Variants in UNC119B observed in about 807,000 individuals in gnomAD.
UNC119B encodes protein unc-119 homolog B.
A neutral mutation model predicts 23.4 loss-of-function variants in UNC119B; 16 were observed. The observed-to-expected ratio is 0.68, with a 90% CI of 0.46 to 1.04. UNC119B has a LOEUF of 1.04. UNC119B is among the 50% of genes least tolerant of loss of function. UNC119B has a pLI of 0.00. For missense variants in UNC119B, 350 were observed against 361.3 expected (o/e 0.97, Z 0.25); for synonymous variants, 144 against 145.4 (o/e 0.99, Z 0.07).
intron 4 of UNC119B, among the ~76,000 whole-genome samples, chr12:120,717,775 G>A (rs1433758633): frequency 6.6e-6 from 1 of 151,544 alleles, no homozygotes; most frequent in Non-Finnish European, 1.5e-5. Flanking sequence ...TGTTGGTCAG[G>A]CTGGTCTCGA....
rs1229693745 is a variant in UNC119B at position 120,710,534 on chromosome 12, G to A, written c.60G>A (p.Leu20=). 2.2e-6 allele frequency: 3 copies of A among 1,379,556 alleles called. No homozygotes were observed. The highest frequency in any genetic ancestry group is 3.0e-5 in the African/African-American group (2 of 65,906). 85.5% of individuals were successfully genotyped at this position (1,379,556 alleles called of 1,614,324 possible). A position where few individuals can be genotyped will look rare whatever the true frequency, so the allele number is the denominator to read the frequency against. The change falls in exon 1 of 5, where the codon CTG becomes CTA. Residue 20 remains leucine, a synonymous_variant. Transcript: ENST00000344651. ...AAASAAGPGG[L]VAGKEEKKKA... The stretch of plus-strand genomic sequence containing the variant: ...CGTCGGCGGCTGGGCCCGGGGGGCT[G>A]GTGGCTGGCAAGGAGGAGAAGAAGA...
intron 2 of UNC119B, among the ~76,000 whole-genome samples, chr12:120,714,262 A>T (rs1326869540): frequency 6.6e-6 from 1 of 152,058 alleles, no homozygotes; most frequent in African/African-American, 2.4e-5. Flanking sequence ...ATACTGACCA[A>T]GGCACCTAAA....
Position 120,723,096 on chromosome 12 carries a change from C to T in UNC119B, c.*3064C>T, listed in dbSNP as rs79516342. 3.7e-3 allele frequency: 562 copies of T among 153,546 alleles called. 5 individuals carry two copies. Among genetic ancestry groups the T allele is most frequent in the Middle Eastern group, 0.024 (28 of 1,154 alleles). 9.5% of individuals were successfully genotyped at this position (153,546 alleles called of 1,614,324 possible). A position where few individuals can be genotyped will look rare whatever the true frequency, so the allele number is the denominator to read the frequency against. ...TGTCTAATGTACAAACTGGGTGAGTCCTGCCTTAGTGTGTCCTGCCCCACC... is the reference window on the plus strand; with the variant it reads ...TGTCTAATGTACAAACTGGGTGAGTTCTGCCTTAGTGTGTCCTGCCCCACC... On this transcript the variant is annotated 3_prime_UTR_variant, in exon 5 of 5. Transcript: ENST00000344651.
Position 120,713,395 on chromosome 12 carries a change from T to C in UNC119B, c.358+8T>C. 6.2e-7 allele frequency: 1 copy of C among 1,604,564 alleles called. No homozygotes were observed. The highest frequency in any genetic ancestry group is 8.5e-7 in the Non-Finnish European group (1 of 1,171,884). Reference sequence around the variant, plus strand: ...CCAAACCTTGCGTTTCAGGTAGGCCTCTACGTTGTGGTGACCACTAGACAG... The same window carrying C: ...CCAAACCTTGCGTTTCAGGTAGGCCCCTACGTTGTGGTGACCACTAGACAG... On this transcript the variant is annotated splice_region_variant and intron_variant, in intron 2 of 4. Transcript: ENST00000344651.
intron 2 of UNC119B, among the ~76,000 whole-genome samples, chr12:120,714,362 C>A (rs1006421554): frequency 3.3e-5 from 5 of 151,966 alleles, no homozygotes; most frequent in Admixed American, 2.0e-4. Flanking sequence ...GGTCTGTCAC[C>A]CAGGCTGGCG....
chr12:120,710,806 G>T lies in UNC119B; in HGVS notation c.244+88G>T. ...GGACCCGGCCACTTGACCAGCGCGG[G>T]GGTCCCCGCCAGACCCCCTCGGCCG... On this transcript the variant is annotated intron_variant, in intron 1 of 4. Coordinates refer to ENST00000344651, the MANE Select transcript of UNC119B (RefSeq NM_001080533.3). 2.4e-6 allele frequency: 3 copies of T among 1,227,014 alleles called. No individual in the cohort carries two copies. The South Asian group carries it at 9.2e-5, about 38-fold the overall frequency. The allele number at this position is 1,227,014 out of a possible 1,614,324, so 76.0% of individuals were successfully genotyped here. A position where few individuals can be genotyped will look rare whatever the true frequency, so the allele number is the denominator to read the frequency against.
intron 2 of UNC119B, among the ~76,000 whole-genome samples, chr12:120,714,021 A>G (rs1283389585): frequency 7.9e-5 from 12 of 152,160 alleles, no homozygotes; most frequent in Non-Finnish European, 4.4e-5. Context: ...TGCTTGTGAT[A>G]AAGTGCCAGG....
At position 120,710,685 on chromosome 12, in the gene UNC119B, G is replaced by C. The variant is rs1169546494; in HGVS notation, c.211G>C (p.Glu71Gln). The C allele has an allele frequency of 1.4e-6, 2 of 1,444,852 alleles. No homozygotes were observed. Among genetic ancestry groups the C allele is most frequent in the Non-Finnish European group, 1.8e-6 (2 of 1,103,224 alleles). The allele number at this position is 1,444,852 out of a possible 1,614,324, so 89.5% of individuals were successfully genotyped here. ...GCTGGCGCTGGACACCATCCGGCCC[G>C]AGCACGTCCTGCGCCTCAGCCGGGT... is the stretch of plus-strand genomic sequence containing the variant. ...ELLALDTIRPEHVLRLSRVTE... is the reference protein window; with the variant it reads ...ELLALDTIRPQHVLRLSRVTE... Residue 71 changes from glutamate to glutamine, a missense_variant, in exon 1 of 5, where the codon GAG (glutamate) becomes CAG (glutamine). Glu to Gln is a conservative substitution (Grantham distance 29, BLOSUM62 2). Transcript: ENST00000344651.
intron 2 of UNC119B, 62 bp downstream of exon 2, chr12:120,713,449 AT>A: frequency 1.6e-6 from 2 of 1,258,976 alleles, no homozygotes; most frequent in Non-Finnish European, 2.3e-6. Context: ...TGAAACTCAA[AT>A]CTTTGTGTGC....
At chr12:120,710,976 C>G (rs1882652876) in intron 1 of UNC119B, 4 of 308,368 alleles carry the variant, frequency 1.3e-5, no homozygotes, top group Non-Finnish European at 2.3e-5. Context: ...GGTCGGCTCC[C>G]CAGCTCTGCC....
Position 120,710,717 on chromosome 12 carries a change from G to T in UNC119B, c.243G>T (p.Glu81Asp). 7.1e-7 allele frequency: 1 copy of T among 1,400,816 alleles called. No homozygotes were observed. Among genetic ancestry groups the T allele is most frequent in the Non-Finnish European group, 9.3e-7 (1 of 1,080,792 alleles). The allele number at this position is 1,400,816 out of a possible 1,614,324, so 86.8% of individuals were successfully genotyped here. The change falls in exon 1 of 5, where the codon GAG (glutamate) becomes GAT (aspartate). Residue 81 changes from glutamate (E) to aspartate (D), a missense_variant and splice_region_variant. Physicochemically the swap from Glu to Asp is conservative, Grantham distance 45. Transcript: ENST00000344651. ...TCCTGCGCCTCAGCCGGGTCACCGA[G>T]AGTGAGTGCCGCGCGGGCCGCGCCC... ...EHVLRLSRVT[E>D]NYLCKPEDNI...
chr12:120,710,484 T>G lies in UNC119B; in HGVS notation c.10T>G (p.Ser4Ala), dbSNP rs1882632625. 1 of 1,338,012 alleles carries G rather than the reference T, an allele frequency of 7.5e-7. No homozygotes were observed. The highest frequency in any genetic ancestry group is 9.5e-7 in the Non-Finnish European group (1 of 1,050,798). The allele number at this position is 1,338,012 out of a possible 1,614,324, so 82.9% of individuals were successfully genotyped here. A position where few individuals can be genotyped will look rare whatever the true frequency, so the allele number is the denominator to read the frequency against. Residue 4 changes from serine to alanine, a missense_variant, in exon 1 of 5, where the codon TCT becomes GCT. By Grantham distance (99) the Ser-to-Ala change is moderately conservative. Coordinates refer to ENST00000344651, the MANE Select transcript of UNC119B (RefSeq NM_001080533.3). ...TCTTGGCGGCGGAGCGATGAGCGGG[T>G]CTAACCCGAAGGCTGCGGCCGCGGC... is the stretch of plus-strand genomic sequence containing the variant. MSGSNPKAAAAASA... is the reference protein window; with the variant it reads MSGANPKAAAAASA...
Position 120,720,697 on chromosome 12 carries a change from T to C in UNC119B, c.*665T>C, listed in dbSNP as rs1398642463. On this transcript the variant is annotated 3_prime_UTR_variant, in exon 5 of 5. Coordinates refer to ENST00000344651, the MANE Select transcript of UNC119B (RefSeq NM_001080533.3). ...CAGCCCTCCTGGGAATAGACCAAGT[T>C]TTCAGCCTGGCAGTGCCTTCTGTTC... 2 of 152,240 alleles carry C rather than the reference T, an allele frequency of 1.3e-5. No homozygotes were observed. Among genetic ancestry groups the C allele is most frequent in the African/African-American group, 2.4e-5 (1 of 41,448 alleles). 9.4% of individuals were successfully genotyped at this position (152,240 alleles called of 1,614,324 possible). A position where few individuals can be genotyped will look rare whatever the true frequency, so the allele number is the denominator to read the frequency against.
intron 1 of UNC119B, among the ~76,000 whole-genome samples, chr12:120,712,550 A>G (rs1361014711): frequency 2.6e-5 from 4 of 152,222 alleles, no homozygotes; most frequent in Admixed American, 6.5e-5. Context: ...TTGCCTGGAT[A>G]TGTATGATAT....
chr12:120,710,486 TA>T lies in UNC119B; in HGVS notation c.14del (p.Asn5ThrfsTer31). The T allele has an allele frequency of 7.4e-7, 1 of 1,346,046 alleles. No homozygotes were observed. Among genetic ancestry groups the T allele is most frequent in the Non-Finnish European group, 9.5e-7 (1 of 1,055,474 alleles). The allele number at this position is 1,346,046 out of a possible 1,614,324, so 83.4% of individuals were successfully genotyped here. On this transcript the variant is annotated frameshift_variant, in exon 1 of 5. Coordinates refer to ENST00000344651, the MANE Select transcript of UNC119B (RefSeq NM_001080533.3). LOFTEE classifies it high-confidence loss of function. ...TTGGCGGCGGAGCGATGAGCGGGTC[TA>T]ACCCGAAGGCTGCGGCCGCGGCGTC... MSGS[N>X]PKAAAAASAA...
rs1882944361 is a variant in UNC119B at position 120,722,955 on chromosome 12, G to A, written c.*2923G>A. The A allele has an allele frequency of 1.3e-5, 2 of 152,432 alleles. No homozygotes were observed. Among genetic ancestry groups the A allele is most frequent in the Admixed American group, 6.5e-5 (1 of 15,284 alleles). 9.4% of individuals were successfully genotyped at this position (152,432 alleles called of 1,614,324 possible). A position where few individuals can be genotyped will look rare whatever the true frequency, so the allele number is the denominator to read the frequency against. On this transcript the variant is annotated 3_prime_UTR_variant, in exon 5 of 5. Transcript: ENST00000344651. ...TTTCCAATACATAGGGTGGAAGAAT[G>A]TGATTTTGGGGCTGACCATAAACTG...
chr12:120,718,837 A>C (rs946673532), intron 4 of UNC119B, among the ~76,000 whole-genome samples: 28 of 152,166 alleles, frequency 1.8e-4, no homozygotes, highest in African/African-American at 6.8e-4. Flanking sequence ...GATAACCTTT[A>C]ATCGTGTGGC....
At chr12:120,719,412 G>A (rs919114388) in intron 4 of UNC119B, among the ~76,000 whole-genome samples, 17 of 152,224 alleles carry the variant, frequency 1.1e-4, no homozygotes, top group African/African-American at 3.9e-4. Flanking sequence ...AAGGCTCCCT[G>A]CCCTGTGTTC....
At position 120,710,505 on chromosome 12, in the gene UNC119B, G is replaced by GCGGCGT. The variant is rs1882634827; in HGVS notation, c.37_42dup (p.Ser13_Ala14dup). On this transcript the variant is annotated inframe_insertion, in exon 1 of 5. Transcript: ENST00000344651. ...CGGGTCTAACCCGAAGGCTGCGGCC[G>GCGGCGT]CGGCGTCGGCGGCTGGGCCCGGGGG... The GCGGCGT allele has an allele frequency of 2.2e-6, 3 of 1,355,086 alleles. No individual in the cohort carries two copies. Among genetic ancestry groups the GCGGCGT allele is most frequent in the Non-Finnish European group, 2.8e-6 (3 of 1,060,798 alleles). The allele number at this position is 1,355,086 out of a possible 1,614,324, so 83.9% of individuals were successfully genotyped here.
Sources: allele counts gnomAD v4.1 joint callset (sites outside exome capture counted in the v4.1 genomes callset), GRCh38; gene constraint gnomAD v4.1.1; transcripts MANE v1.5; gene names NCBI Gene and HGNC (gene_info 2026-07-23, HGNC 2026-07-21).